ETV3L: variants seen among roughly 807,000 people sequenced by gnomAD.
ETV3L encodes ETS translocation variant 3-like protein.
Under a neutral mutation model 27.6 loss-of-function variants are expected in ETV3L, and 30 were observed. The observed-to-expected ratio is 1.09, with a 90% CI of 0.81 to 1.48. The LOEUF (loss-of-function observed/expected upper bound fraction) is 1.48, where lower values mean the gene tolerates loss of function less well. Ranked by LOEUF, ETV3L falls within the 40% of genes most tolerant of loss-of-function variation. The probability of loss-of-function intolerance (pLI) is 0.00; values close to 1 mark genes in which losing one functional copy is unlikely to be tolerated. For missense variants in ETV3L, 443 were observed against 455.6 expected (o/e 0.97, Z 0.25); for synonymous variants, 186 against 188.9 (o/e 0.98, Z 0.12).
At position 157,099,603 on chromosome 1, in the gene ETV3L, G is replaced by C; in HGVS notation, c.-80C>G. ...TAAGAGGAAGGGAAGGAAGGAGGCA[G>C]AGGGGAGGACAGTGAAAGAGGAAGG... On this transcript the variant is annotated 5_prime_UTR_variant, in exon 1 of 5. Transcript: ENST00000454449. 2 of 1,227,092 alleles carry C rather than the reference G, an allele frequency of 1.6e-6. No homozygotes were observed. Among genetic ancestry groups the C allele is most frequent in the Non-Finnish European group, 2.3e-6 (2 of 852,740 alleles). 76.0% of individuals were successfully genotyped at this position (1,227,092 alleles called of 1,614,324 possible).
chr1:157,097,470 CAAAAAAAAAA>C (rs150226645), intron 4 of ETV3L, among the ~76,000 whole-genome samples: 1 of 102,900 alleles, frequency 9.7e-6, no homozygotes, highest in East Asian at 3.0e-4. Context: ...GACTCCGTCT[CAAAAAAAAAA>C]AAAAAAAAAA....
rs189987678 is a variant in ETV3L at position 157,092,928 on chromosome 1, G to A, written c.807C>T (p.Ile269=). ...QQLPGAFKPD[I]LLPGPRSLPG... is the part of the protein sequence containing the mutation. The stretch of plus-strand genomic sequence containing the variant: ...GGAGGCTCCTAGGTCCTGGGAGCAG[G>A]ATGTCTGGCTTAAAAGCCCCTGGGA... The change falls in exon 5 of 5, where the codon ATC becomes ATT. Residue 269 remains isoleucine (I), a synonymous_variant. Coordinates refer to ENST00000454449, the MANE Select transcript of ETV3L (RefSeq NM_001004341.2). The A allele has an allele frequency of 1.9e-6, 3 of 1,614,092 alleles. No individual in the cohort carries two copies. In the East Asian group the frequency reaches 6.7e-5, roughly 36 times the overall value.
chr1:157,098,753 G>A lies in ETV3L; in HGVS notation c.439C>T (p.Pro147Ser). 1 of 1,613,324 alleles carries A rather than the reference G, an allele frequency of 6.2e-7. No individual in the cohort carries two copies. The highest frequency in any genetic ancestry group is 8.5e-7 in the Non-Finnish European group (1 of 1,179,688). The part of the protein sequence containing the change: ...PPSPHLLLGA[P>S]ALCRPALVPV... Reference sequence around the variant, plus strand: ...ACCAGCGCTGGCCGACACAGGGCAGGGGCCCCCAGCAGCAAGTGGGGGGAT... The same window carrying A: ...ACCAGCGCTGGCCGACACAGGGCAGAGGCCCCCAGCAGCAAGTGGGGGGAT... The change falls in exon 3 of 5, where the codon CCT becomes TCT. Residue 147 changes from proline (P) to serine (S), a missense_variant. Transcript: ENST00000454449.
chr1:157,094,158 G>A (rs1057283192), intron 4 of ETV3L, among the ~76,000 whole-genome samples: 7 of 152,188 alleles, frequency 4.6e-5, no homozygotes, highest in African/African-American at 1.7e-4. Context: ...CAGTCTAGCC[G>A]GGCAAAGAAC....
At position 157,092,257 on chromosome 1, in the gene ETV3L, A is replaced by G. The variant is rs1674130290; in HGVS notation, c.*392T>C. The G allele has an allele frequency of 5.9e-6, 1 of 168,536 alleles. No homozygotes were observed. Among genetic ancestry groups the G allele is most frequent in the African/African-American group, 2.4e-5 (1 of 41,848 alleles). 10.4% of individuals were successfully genotyped at this position (168,536 alleles called of 1,614,324 possible). A position where few individuals can be genotyped will look rare whatever the true frequency, so the allele number is the denominator to read the frequency against. ...AAAGGGACTGGAGACCTTAGCCTGG[A>G]ATGGGGAGATGGGCCCCAGACAAGA... On this transcript the variant is annotated 3_prime_UTR_variant, in exon 5 of 5. Transcript: ENST00000454449.
At chr1:157,097,787 C>T in intron 4 of ETV3L, 81 bp downstream of exon 4, 1 of 1,553,604 alleles carries the variant, frequency 6.4e-7, no homozygotes, top group South Asian at 1.1e-5. Flanking sequence ...TCTCATGCCC[C>T]CTCAGCCATG....
Position 157,099,136 on chromosome 1 carries a change from C to G in ETV3L, c.296+5G>C. 6.2e-7 allele frequency: 1 copy of G among 1,613,850 alleles called. No homozygotes were observed. Among genetic ancestry groups the G allele is most frequent in the Non-Finnish European group, 8.5e-7 (1 of 1,179,828 alleles). ...TCTTTGGCCATGTCAGCCGCCTCCT[C>G]TCACCTGAGGGCCCGGCTCAGCTTG... On this transcript the variant is annotated splice_donor_5th_base_variant and intron_variant, in intron 2 of 4. Coordinates refer to ENST00000454449, the MANE Select transcript of ETV3L (RefSeq NM_001004341.2).
chr1:157,092,377 T>TCGTCTCC lies in ETV3L; in HGVS notation c.*265_*271dup, dbSNP rs1674133044. On this transcript the variant is annotated 3_prime_UTR_variant, in exon 5 of 5. Coordinates refer to ENST00000454449, the MANE Select transcript of ETV3L (RefSeq NM_001004341.2). ...GATGGAAATTATAGAAACTTTATTC[T>TCGTCTCC]CGTCTCCCTGAAGAAAAGTTGAGAT... The TCGTCTCC allele has an allele frequency of 2.5e-6, 1 of 405,962 alleles. No individual in the cohort carries two copies. The highest frequency in any genetic ancestry group is 4.4e-6 in the Non-Finnish European group (1 of 228,318). 25.1% of individuals were successfully genotyped at this position (405,962 alleles called of 1,614,324 possible).
rs75257253 is a variant in ETV3L at position 157,092,166 on chromosome 1, T to C, written c.*483A>G. The C allele has an allele frequency of 0.05, 7,854 of 156,180 alleles. 236 individuals are homozygous for C. The highest frequency in any genetic ancestry group is 0.058 in the African/African-American group (2,406 of 41,542). 9.7% of individuals were successfully genotyped at this position (156,180 alleles called of 1,614,324 possible). On this transcript the variant is annotated 3_prime_UTR_variant, in exon 5 of 5. Transcript: ENST00000454449. ...ATGGAGAGAGGAGGAAGTGCCTGCA[T>C]GGGACAGGGGTTTCCAGGGTCTCAG...
chr1:157,099,066 A>G, intron 2 of ETV3L, 75 bp downstream of exon 2: 3 of 1,577,712 alleles, frequency 1.9e-6, no homozygotes, highest in Non-Finnish European at 2.6e-6. Flanking sequence ...GGTGGGAGTC[A>G]GCAGGGGTAC....
chr1:157,099,150 C>T lies in ETV3L; in HGVS notation c.287G>A (p.Arg96Gln), dbSNP rs367920616. 144 of 1,613,708 alleles carry T rather than the reference C, an allele frequency of 8.9e-5. No homozygotes were observed. The highest frequency in any genetic ancestry group is 3.3e-4 in the Middle Eastern group (2 of 6,052). The change falls in exon 2 of 5, where the codon CGG (arginine) becomes CAG (glutamine). Residue 96 changes from arginine (R) to glutamine (Q), a missense_variant. Physicochemically the swap from Arg to Gln is conservative, Grantham distance 43. Coordinates refer to ENST00000454449, the MANE Select transcript of ETV3L (RefSeq NM_001004341.2). The part of the protein sequence containing the change: ...KPQMNYDKLS[R>Q]ALRYYYNKRI... ...AGCCGCCTCCTCTCACCTGAGGGCC[C>T]GGCTCAGCTTGTCATAATTCATCTG... is the stretch of plus-strand genomic sequence containing the variant.
At chr1:157,093,162 C>G (rs1303127943) in intron 4 of ETV3L, 35 bp from the exon 5 acceptor site, 2 of 1,383,104 alleles carry the variant, frequency 1.4e-6, no homozygotes, top group African/African-American at 2.9e-5. Context: ...TCAAGGGAGC[C>G]CAACCTCTCG....
intron 4 of ETV3L, among the ~76,000 whole-genome samples, chr1:157,095,660 G>A (rs1030234956): frequency 3.3e-5 from 5 of 151,878 alleles, no homozygotes; most frequent in South Asian, 2.1e-4. Flanking sequence ...GAGCTGGGAC[G>A]GGGTGGGTGG....
At chr1:157,098,125 C>CT in intron 3 of ETV3L, 137 bp from the exon 4 acceptor site, 2 of 978,168 alleles carry the variant, frequency 2.0e-6, no homozygotes, top group Non-Finnish European at 2.8e-6. Context: ...GAGTTGGAGT[C>CT]TTGCTCTGTC....
In ETV3L at chr1:157,099,628, G is replaced by A; in HGVS notation, c.-105C>T. On this transcript the variant is annotated 5_prime_UTR_variant, in exon 1 of 5. Coordinates refer to ENST00000454449, the MANE Select transcript of ETV3L (RefSeq NM_001004341.2). The stretch of plus-strand genomic sequence containing the variant: ...GAGGGGAGGACAGTGAAAGAGGAAG[G>A]AAAAATGGAGGGAAAGAAGGAAGGA... The A allele has an allele frequency of 3.3e-6, 3 of 913,690 alleles. No individual in the cohort carries two copies. Among genetic ancestry groups the A allele is most frequent in the Admixed American group, 2.3e-5 (1 of 44,152 alleles). The allele number at this position is 913,690 out of a possible 1,614,324, so 56.6% of individuals were successfully genotyped here.
intron 4 of ETV3L, among the ~76,000 whole-genome samples, chr1:157,095,302 C>T (rs1323439341): frequency 6.6e-6 from 1 of 152,138 alleles, no homozygotes; most frequent in Non-Finnish European, 1.5e-5. Flanking sequence ...AAGCAGCTTC[C>T]TTTCTTGGCA....
chr1:157,098,583 T>C lies in ETV3L; in HGVS notation c.486+123A>G, dbSNP rs1362333370. On this transcript the variant is annotated intron_variant, in intron 3 of 4. Transcript: ENST00000454449. ...CCTCTGGGGCACTCAGGGTCTAGGA[T>C]GCAGGAGGAGAAGAAAACTGGAGGC... 3 of 921,984 alleles carry C rather than the reference T, an allele frequency of 3.3e-6. No individual in the cohort carries two copies. The Admixed American group carries it at 9.3e-5, about 29-fold the overall frequency. The allele number at this position is 921,984 out of a possible 1,614,324, so 57.1% of individuals were successfully genotyped here.
intron 4 of ETV3L, among the ~76,000 whole-genome samples, chr1:157,093,553 G>A (rs567419421): frequency 5.3e-5 from 8 of 150,096 alleles, no homozygotes; most frequent in Admixed American, 2.7e-4. Context: ...GTGCAGTGGC[G>A]TGATCTTGGC....
intron 3 of ETV3L, 23 bp from the exon 4 acceptor site, chr1:157,098,011 G>A (rs377513906): frequency 2.2e-5 from 34 of 1,580,708 alleles, no homozygotes; most frequent in Non-Finnish European, 2.8e-5. Context: ...AAGTAGGTGC[G>A]AGGTGTGATG....
Sources: allele counts gnomAD v4.1 joint callset (sites outside exome capture counted in the v4.1 genomes callset), GRCh38; gene constraint gnomAD v4.1.1; transcripts MANE v1.5; gene names NCBI Gene and HGNC (gene_info 2026-07-23, HGNC 2026-07-21).